CEP19: variants seen among roughly 807,000 people sequenced by gnomAD.
The protein encoded by CEP19 is centrosomal protein of 19 kDa.
A neutral mutation model predicts 17.5 loss-of-function variants in CEP19; 14 were observed. That is an observed-to-expected ratio of 0.80 (90% CI 0.53 to 1.25). The LOEUF (loss-of-function observed/expected upper bound fraction) is 1.25. Among genes scored for constraint, CEP19 ranks in the 50% most tolerant of loss-of-function variants. The probability of loss-of-function intolerance (pLI) is 0.00; values close to 1 mark genes in which losing one functional copy is unlikely to be tolerated. For synonymous variants in CEP19, 59 were observed against 65.5 expected (o/e 0.90, Z 0.48); for missense variants, 193 against 192.0 (o/e 1.01, Z -0.03).
intron 2 of CEP19, 43 bp downstream of exon 2, chr3:196,708,485 T>C (rs765960460): frequency 6.3e-7 from 1 of 1,589,230 alleles, no homozygotes; most frequent in Non-Finnish European, 8.6e-7. Context: ...AACCTGTATT[T>C]AGAGAATATT....
chr3:196,711,401 C>G (rs1377015833), intron 1 of CEP19, among the ~76,000 whole-genome samples: 1 of 152,116 alleles, frequency 6.6e-6, no homozygotes, highest in Admixed American at 6.6e-5. Flanking sequence ...TCTCCCCTCG[C>G]TGCAACCTCC....
Position 196,708,680 on chromosome 3 carries a change from G to A in CEP19, c.-23C>T, listed in dbSNP as rs1711617918. 2 of 1,612,118 alleles carry A rather than the reference G, an allele frequency of 1.2e-6. No individual in the cohort carries two copies. The highest frequency in any genetic ancestry group is 1.1e-5 in the South Asian group (1 of 90,882). On this transcript the variant is annotated 5_prime_UTR_variant, in exon 2 of 3. Coordinates refer to ENST00000409690, the MANE Select transcript of CEP19 (RefSeq NM_032898.5). Reference sequence around the variant, plus strand: ...CATTCCCATGTACATGTCCGGGTAAGTCAGAGGAAATCTGATGAATATGTG... The same window carrying A: ...CATTCCCATGTACATGTCCGGGTAAATCAGAGGAAATCTGATGAATATGTG...
At chr3:196,710,476 C>T (rs1348857178) in intron 1 of CEP19, among the ~76,000 whole-genome samples, 1 of 151,996 alleles carries the variant, frequency 6.6e-6, no homozygotes, top group Admixed American at 6.6e-5. Context: ...ACCTGGGAGG[C>T]GGAGGTTGCA....
intron 2 of CEP19, among the ~76,000 whole-genome samples, chr3:196,708,183 C>A (rs1711597409): frequency 6.6e-6 from 1 of 152,098 alleles, no homozygotes; most frequent in African/African-American, 2.4e-5. Context: ...ACACTTTCAA[C>A]TGGAGAATAT....
In CEP19 at chr3:196,706,457, C is replaced by T. The variant is rs1234302636; in HGVS notation, c.*1094G>A. The stretch of plus-strand genomic sequence containing the variant: ...GCCTAAACTGGCAGTGCCTATTGTT[C>T]ATTTATTATGGGTGGATTTCCCATT... On this transcript the variant is annotated 3_prime_UTR_variant, in exon 3 of 3. Transcript: ENST00000409690. The T allele has an allele frequency of 6.6e-6, 1 of 152,114 alleles. No individual in the cohort carries two copies. Among genetic ancestry groups the T allele is most frequent in the Non-Finnish European group, 1.5e-5 (1 of 68,010 alleles). The allele number at this position is 152,114 out of a possible 1,614,324, so 9.4% of individuals were successfully genotyped here.
chr3:196,711,350 G>A (rs1711766267), intron 1 of CEP19, among the ~76,000 whole-genome samples: 2 of 150,616 alleles, frequency 1.3e-5, no homozygotes, highest in South Asian at 2.1e-4. Context: ...TTTTGAAACA[G>A]AGTCTCCCTC....
In CEP19 at chr3:196,706,665, TAA is replaced by T. The variant is rs1711527570; in HGVS notation, c.*884_*885del. On this transcript the variant is annotated 3_prime_UTR_variant, in exon 3 of 3. Coordinates refer to ENST00000409690, the MANE Select transcript of CEP19 (RefSeq NM_032898.5). ...ATAAATAATATAAAGATATAACACA[TAA>T]GAGGTAATTCCCTGGTAACCATATA... 2 of 152,150 alleles carry T rather than the reference TAA, an allele frequency of 1.3e-5. No individual in the cohort carries two copies. The highest frequency in any genetic ancestry group is 4.8e-5 in the African/African-American group (2 of 41,428). 9.4% of individuals were successfully genotyped at this position (152,150 alleles called of 1,614,324 possible).
At chr3:196,711,403 G>A (rs1711771928) in intron 1 of CEP19, among the ~76,000 whole-genome samples, 1 of 151,600 alleles carries the variant, frequency 6.6e-6, no homozygotes, top group Non-Finnish European at 1.5e-5. Flanking sequence ...TCCCCTCGCT[G>A]CAACCTCCGC....
In CEP19 at chr3:196,707,788, A is replaced by C; in HGVS notation, c.255T>G (p.Ser85Arg). 1 of 1,613,958 alleles carries C rather than the reference A, an allele frequency of 6.2e-7. No individual in the cohort carries two copies. Among genetic ancestry groups the C allele is most frequent in the Non-Finnish European group, 8.5e-7 (1 of 1,180,000 alleles). The change falls in exon 3 of 3, where the codon AGT becomes AGG. Residue 85 changes from serine (S) to arginine (R), a missense_variant. Transcript: ENST00000409690. ...GAATTTGTTCCATTGTTTCTGCCAG[A>C]CTCTGCCCCGACAAGTAACCTCGTA... ...SFLRGYLSGQ[S>R]LAETMEQIQR...
chr3:196,712,037 A>C lies in CEP19; in HGVS notation c.-179T>G, dbSNP rs1482145256. ...ACGCAAAGCCCCTAAGCCGACTGTG[A>C]GACCGGGCGGAGCCTGGCGCTGCAG... On this transcript the variant is annotated 5_prime_UTR_variant, in exon 1 of 3. Transcript: ENST00000409690. The C allele has an allele frequency of 1.4e-6, 1 of 715,166 alleles. No individual in the cohort carries two copies. The highest frequency in any genetic ancestry group is 1.7e-5 in the African/African-American group (1 of 57,352). The allele number at this position is 715,166 out of a possible 1,614,324, so 44.3% of individuals were successfully genotyped here.
rs147719730 is a variant in CEP19, at chr3:196,708,668, A to G, written c.-11T>C. On this transcript the variant is annotated 5_prime_UTR_variant, in exon 2 of 3. The change abolishes an upstream ATG in the 5' untranslated region. Coordinates refer to ENST00000409690, the MANE Select transcript of CEP19 (RefSeq NM_032898.5). ...GGCAGTGCACATCATTCCCATGTAC[A>G]TGTCCGGGTAAGTCAGAGGAAATCT... The G allele has an allele frequency of 8.1e-4, 1,310 of 1,613,346 alleles. 22 individuals are homozygous for G. In the South Asian group the frequency reaches 0.011, roughly 14 times the overall value.
intron 1 of CEP19, among the ~76,000 whole-genome samples, chr3:196,711,154 CTAAAG>C (rs1375953625): frequency 6.6e-6 from 1 of 151,190 alleles, no homozygotes; most frequent in African/African-American, 2.4e-5. Context: ...TTAATTTTTG[CTAAAG>C]TAATGTTTGT....
Position 196,707,426 on chromosome 3 carries a change from A to G in CEP19, c.*125T>C, listed in dbSNP as rs1711561467. The G allele has an allele frequency of 3.7e-6, 4 of 1,078,582 alleles. No homozygotes were observed. Among genetic ancestry groups the G allele is most frequent in the Admixed American group, 4.8e-5 (2 of 41,914 alleles). 66.8% of individuals were successfully genotyped at this position (1,078,582 alleles called of 1,614,324 possible). On this transcript the variant is annotated 3_prime_UTR_variant, in exon 3 of 3. Coordinates refer to ENST00000409690, the MANE Select transcript of CEP19 (RefSeq NM_032898.5). Reference sequence around the variant, plus strand: ...AGATGCTTTAAATGTCCTGGTTTTGAAAAGTAACATGGTCAATCCCCTATA... The same window carrying G: ...AGATGCTTTAAATGTCCTGGTTTTGGAAAGTAACATGGTCAATCCCCTATA...
rs542112335 is a variant in CEP19, at chr3:196,707,154, C to G, written c.*397G>C. 3 of 160,692 alleles carry G rather than the reference C, an allele frequency of 1.9e-5. No individual in the cohort carries two copies. The East Asian group carries it at 5.4e-4, about 29-fold the overall frequency. 10.0% of individuals were successfully genotyped at this position (160,692 alleles called of 1,614,324 possible). A position where few individuals can be genotyped will look rare whatever the true frequency, so the allele number is the denominator to read the frequency against. On this transcript the variant is annotated 3_prime_UTR_variant, in exon 3 of 3. Coordinates refer to ENST00000409690, the MANE Select transcript of CEP19 (RefSeq NM_032898.5). Reference sequence around the variant, plus strand: ...CAAGCGAATCTCCTGCCTCAGCCTCCTGAGTAGCCGGGATTACAGGCACCC... The same window carrying G: ...CAAGCGAATCTCCTGCCTCAGCCTCGTGAGTAGCCGGGATTACAGGCACCC...
At position 196,708,574 on chromosome 3, in the gene CEP19, T is replaced by C; in HGVS notation, c.84A>G (p.Lys28=). The change falls in exon 2 of 3, where the codon AAA becomes AAG. Residue 28 remains lysine (K), a synonymous_variant. Coordinates refer to ENST00000409690, the MANE Select transcript of CEP19 (RefSeq NM_032898.5). ...ILIYESEIKG[K]IRQRIMPVRN... ...GAACTGGCATAATGCGCTGGCGAAT[T>C]TTCCCCTTGATTTCACTCTCATAGA... 1 of 1,614,166 alleles carries C rather than the reference T, an allele frequency of 6.2e-7. No homozygotes were observed. Among genetic ancestry groups the C allele is most frequent in the Non-Finnish European group, 8.5e-7 (1 of 1,180,030 alleles).
rs1160704307 is a variant in CEP19 at position 196,711,958 on chromosome 3, T to C, written c.-100A>G. The C allele has an allele frequency of 1.4e-6, 1 of 717,484 alleles. No individual in the cohort carries two copies. The highest frequency in any genetic ancestry group is 2.6e-6 in the Non-Finnish European group (1 of 385,072). 44.4% of individuals were successfully genotyped at this position (717,484 alleles called of 1,614,324 possible). A position where few individuals can be genotyped will look rare whatever the true frequency, so the allele number is the denominator to read the frequency against. Reference sequence around the variant, plus strand: ...AGAGGAATACAGAAATGACATCGTCTGCAGGCCAACGTCTAAACAACCAGG... The same window carrying C: ...AGAGGAATACAGAAATGACATCGTCCGCAGGCCAACGTCTAAACAACCAGG... On this transcript the variant is annotated 5_prime_UTR_variant, in exon 1 of 3. Transcript: ENST00000409690.
chr3:196,707,376 C>T lies in CEP19; in HGVS notation c.*175G>A. On this transcript the variant is annotated 3_prime_UTR_variant, in exon 3 of 3. Coordinates refer to ENST00000409690, the MANE Select transcript of CEP19 (RefSeq NM_032898.5). ...GCAGATTCCTTTATTCTGTTTTTCC[C>T]ATACTCCTCATGCACCTACATAGTA... The T allele has an allele frequency of 3.0e-6, 2 of 671,720 alleles. No homozygotes were observed. The highest frequency in any genetic ancestry group is 2.7e-5 in the East Asian group (1 of 36,904). The allele number at this position is 671,720 out of a possible 1,614,324, so 41.6% of individuals were successfully genotyped here. A position where few individuals can be genotyped will look rare whatever the true frequency, so the allele number is the denominator to read the frequency against.
rs1467686317 is a variant in CEP19, at chr3:196,707,374, C to T, written c.*177G>A. On this transcript the variant is annotated 3_prime_UTR_variant, in exon 3 of 3. Coordinates refer to ENST00000409690, the MANE Select transcript of CEP19 (RefSeq NM_032898.5). Reference sequence around the variant, plus strand: ...AGGCAGATTCCTTTATTCTGTTTTTCCCATACTCCTCATGCACCTACATAG... The same window carrying T: ...AGGCAGATTCCTTTATTCTGTTTTTTCCATACTCCTCATGCACCTACATAG... 3.0e-6 allele frequency: 2 copies of T among 667,800 alleles called. No homozygotes were observed. Among genetic ancestry groups the T allele is most frequent in the African/African-American group, 3.6e-5 (2 of 55,130 alleles). 41.4% of individuals were successfully genotyped at this position (667,800 alleles called of 1,614,324 possible). A position where few individuals can be genotyped will look rare whatever the true frequency, so the allele number is the denominator to read the frequency against.
At position 196,707,607 on chromosome 3, in the gene CEP19, G is replaced by C. The variant is rs777435231; in HGVS notation, c.436C>G (p.Gln146Glu). 1 of 1,613,698 alleles carries C rather than the reference G, an allele frequency of 6.2e-7. No homozygotes were observed. The highest frequency in any genetic ancestry group is 8.5e-7 in the Non-Finnish European group (1 of 1,179,934). Residue 146 changes from glutamine (Q) to glutamate (E), a missense_variant, in exon 3 of 3, where the codon CAG (glutamine) becomes GAG (glutamate). By Grantham distance (29) the Gln-to-Glu change is conservative (BLOSUM62 2). Coordinates refer to ENST00000409690, the MANE Select transcript of CEP19 (RefSeq NM_032898.5). ...FVYDIEVEFPQDDQLQSCGWD... is the reference protein window; with the variant it reads ...FVYDIEVEFPEDDQLQSCGWD... ...CCACAGGACTGCAGTTGATCGTCCT[G>C]TGGAAATTCAACCTCAATGTCATAA...
Sources: allele counts gnomAD v4.1 joint callset (sites outside exome capture counted in the v4.1 genomes callset), GRCh38; gene constraint gnomAD v4.1.1; transcripts MANE v1.5; gene names NCBI Gene and HGNC (gene_info 2026-07-23, HGNC 2026-07-21).